Variants in TECPR1 observed in about 807,000 individuals in gnomAD.
The protein encoded by TECPR1 is tectonin beta-propeller repeat containing 1.
A neutral mutation model predicts 162.4 loss-of-function variants in TECPR1; 122 were observed. The observed-to-expected ratio is 0.75, with a 90% CI of 0.65 to 0.87. The LOEUF (loss-of-function observed/expected upper bound fraction) is 0.87. Ranked by LOEUF, TECPR1 falls within the 40% of genes least tolerant of loss-of-function variation. TECPR1 has a pLI of 0.00. For synonymous variants in TECPR1, 642 were observed against 670.6 expected (o/e 0.96, Z 0.66); for missense variants, 1,432 against 1,618.2 (o/e 0.88, Z 1.97).
chr7:98,225,962 T>C (rs1798271351), intron 17 of TECPR1, among the ~76,000 whole-genome samples: 1 of 152,200 alleles, frequency 6.6e-6, no homozygotes, highest in Admixed American at 6.5e-5. Context: ...CTGTGGTACT[T>C]TGTTAGTACC....
chr7:98,243,523 T>C lies in TECPR1; in HGVS notation c.601A>G (p.Ile201Val). ...FNDLSVGGWE[I>V]TEEPVGRLSV... The stretch of plus-strand genomic sequence containing the variant: ...AGGCGGCCCACAGGCTCCTCCGTGA[T>C]CTCCCAGCCCCCTACAGAGAGGTCG... Residue 201 changes from isoleucine to valine, a missense_variant, in exon 6 of 26, where the codon ATC (isoleucine) becomes GTC (valine). Ile to Val is a conservative substitution (Grantham distance 29, BLOSUM62 3). Transcript: ENST00000447648. 6.2e-7 allele frequency: 1 copy of C among 1,612,586 alleles called. No individual in the cohort carries two copies.
intron 6 of TECPR1, among the ~76,000 whole-genome samples, chr7:98,242,179 G>A (rs1798768200): frequency 6.6e-6 from 1 of 152,230 alleles, no homozygotes; most frequent in African/African-American, 2.4e-5. Flanking sequence ...CGACAAAACT[G>A]GCAACTTCTG....
rs571996953 is a variant in TECPR1, at chr7:98,228,820, C to T, written c.2410+219G>A. 2.2e-3 allele frequency: 1,195 copies of T among 545,416 alleles called. 2 individuals are homozygous for T. Among genetic ancestry groups the T allele is most frequent in the Non-Finnish European group, 2.8e-3 (902 of 318,740 alleles). The allele number at this position is 545,416 out of a possible 1,614,324, so 33.8% of individuals were successfully genotyped here. ...GCTGGACATGCTGGTGGACCCTGGC[C>T]GCTGCCTCTCTGGAACCTTCGAGGC... On this transcript the variant is annotated intron_variant, in intron 16 of 25. Transcript: ENST00000447648.
In TECPR1 at chr7:98,215,441, A is replaced by C. The variant is rs2116510113; in HGVS notation, c.*1949T>G. On this transcript the variant is annotated 3_prime_UTR_variant, in exon 26 of 26. Coordinates refer to ENST00000447648, the MANE Select transcript of TECPR1 (RefSeq NM_015395.3). ...AAACAAAAATAAAAGATTTCACAGC[A>C]ATGTCTGCTTCAGGCACACGGGGAA... The C allele has an allele frequency of 6.6e-6, 1 of 152,390 alleles. No homozygotes were observed. The highest frequency in any genetic ancestry group is 3.4e-3 in the Middle Eastern group (1 of 294). 9.4% of individuals were successfully genotyped at this position (152,390 alleles called of 1,614,324 possible). A position where few individuals can be genotyped will look rare whatever the true frequency, so the allele number is the denominator to read the frequency against.
chr7:98,240,959 G>GC lies in TECPR1; in HGVS notation c.833-9dup. The GC allele has an allele frequency of 6.2e-7, 1 of 1,600,828 alleles. No homozygotes were observed. On this transcript the variant is annotated splice_polypyrimidine_tract_variant and intron_variant, in intron 7 of 25. Coordinates refer to ENST00000447648, the MANE Select transcript of TECPR1 (RefSeq NM_015395.3). ...CGATGGACCAGGAACTTCCTACCGG[G>GC]CCCCCAAGAAACCCCCAGTGGCCCC...
chr7:98,248,321 G>A (rs1056146970), intron 2 of TECPR1, among the ~76,000 whole-genome samples: 1 of 151,972 alleles, frequency 6.6e-6, no homozygotes, highest in African/African-American at 2.4e-5. Flanking sequence ...CCCGGGGCCT[G>A]AAGAGAGGAA....
At chr7:98,238,038 CT>C in intron 9 of TECPR1, among the ~76,000 whole-genome samples, 1 of 152,032 alleles carries the variant, frequency 6.6e-6, no homozygotes, top group East Asian at 1.9e-4. Flanking sequence ...TCCTAAAGTG[CT>C]GGGATTTACA....
intron 23 of TECPR1, among the ~76,000 whole-genome samples, chr7:98,219,100 T>C (rs566628982): frequency 1.3e-5 from 2 of 152,210 alleles, no homozygotes; most frequent in African/African-American, 4.8e-5. Context: ...CCACAACCAA[T>C]TGATCTTTGA....
chr7:98,250,624 C>T (rs1044181628), intron 2 of TECPR1, among the ~76,000 whole-genome samples: 1 of 152,026 alleles, frequency 6.6e-6, no homozygotes, highest in Non-Finnish European at 1.5e-5. Flanking sequence ...GGCAGCAGAG[C>T]GAGACCCTGT....
intron 15 of TECPR1, among the ~76,000 whole-genome samples, chr7:98,230,745 C>T (rs1190306044): frequency 6.6e-6 from 1 of 152,194 alleles, no homozygotes; most frequent in East Asian, 1.9e-4. Context: ...CGGCACTGAC[C>T]CACCCTGGGC....
chr7:98,215,277 C>G lies in TECPR1; in HGVS notation c.*2113G>C, dbSNP rs921172075. The G allele has an allele frequency of 6.6e-6, 1 of 152,272 alleles. No homozygotes were observed. Among genetic ancestry groups the G allele is most frequent in the African/African-American group, 2.4e-5 (1 of 41,480 alleles). The allele number at this position is 152,272 out of a possible 1,614,324, so 9.4% of individuals were successfully genotyped here. ...GAAGCCAGAACCGCGATTGTTGCAT[C>G]TGGGAAAACCCAGCTGGAGCCGAAC... On this transcript the variant is annotated 3_prime_UTR_variant, in exon 26 of 26. Coordinates refer to ENST00000447648, the MANE Select transcript of TECPR1 (RefSeq NM_015395.3).
chr7:98,236,821 C>G lies in TECPR1; in HGVS notation c.1136G>C (p.Arg379Pro), dbSNP rs369439554. The change falls in exon 10 of 26, where the codon CGA (arginine) becomes CCA (proline). Residue 379 changes from arginine to proline, a missense_variant. By Grantham distance (103) the Arg-to-Pro change is moderately radical. Transcript: ENST00000447648. ...GCCAGAGTGTGACCGGTCACACTCT[C>G]GGGCCGCGATGATGGCTTTCCAGGT... ...GKTWKAIIAA[R>P]ECDRSHSGSS... is the part of the protein sequence containing the mutation. 6.3e-7 allele frequency: 1 copy of G among 1,587,608 alleles called. No individual in the cohort carries two copies. The highest frequency in any genetic ancestry group is 8.5e-7 in the Non-Finnish European group (1 of 1,170,724).
intron 21 of TECPR1, 37 bp from the exon 22 acceptor site, chr7:98,222,558 G>GC: frequency 6.5e-7 from 1 of 1,546,984 alleles, no homozygotes; most frequent in Non-Finnish European, 8.7e-7. Context: ...GGTCACCAGG[G>GC]CCCCCACCCC....
intron 19 of TECPR1, among the ~76,000 whole-genome samples, chr7:98,224,005 C>T (rs1054289484): frequency 6.6e-6 from 1 of 152,072 alleles, no homozygotes; most frequent in African/African-American, 2.4e-5. Context: ...GGGGTCGGGC[C>T]TCCCTGGGGC....
Position 98,241,338 on chromosome 7 carries a change from C to G in TECPR1, c.658-94G>C. On this transcript the variant is annotated intron_variant, in intron 6 of 25. Coordinates refer to ENST00000447648, the MANE Select transcript of TECPR1 (RefSeq NM_015395.3). This position sits in a 1 kb window ranked among gnomAD's most constrained non-coding sequence, Gnocchi z 5.0. ...GTGTGGTAGGGGGTAGGACCCATGT[C>G]CCCTGACCGTCCAGATCTCACTCCC... The G allele has an allele frequency of 6.7e-7, 1 of 1,481,526 alleles. No individual in the cohort carries two copies. Among genetic ancestry groups the G allele is most frequent in the Non-Finnish European group, 9.2e-7 (1 of 1,082,920 alleles). 91.8% of individuals were successfully genotyped at this position (1,481,526 alleles called of 1,614,324 possible).
chr7:98,217,543 TCGA>T lies in TECPR1; in HGVS notation c.3385-43_3385-41del, dbSNP rs896416532. The T allele has an allele frequency of 2.4e-5, 33 of 1,384,982 alleles. No homozygotes were observed. The East Asian group carries it at 4.1e-4, about 17-fold the overall frequency. The allele number at this position is 1,384,982 out of a possible 1,614,324, so 85.8% of individuals were successfully genotyped here. On this transcript the variant is annotated intron_variant, in intron 25 of 25. Transcript: ENST00000447648. ...CTGTGTCACCAGGGGACTCGGGGAC[TCGA>T]GGATCCTGGAGGGGATCTGCCTGGG...
Position 98,222,990 on chromosome 7 carries a change from C to A in TECPR1, c.2928G>T (p.Ala976=), listed in dbSNP as rs759225723. 6.2e-7 allele frequency: 1 copy of A among 1,611,566 alleles called. No homozygotes were observed. Among genetic ancestry groups the A allele is most frequent in the Admixed American group, 1.7e-5 (1 of 59,872 alleles). ...GAATCTGTCTGGCCCCGGCACTCAC[C>A]GCAGGGTTGAGCTCCGACACGCCCA... The part of the protein sequence containing the change: ...CRLGVSELNP[A]GSSWLHVGTD... The change falls in exon 21 of 26, where the codon GCG becomes GCT. Residue 976 remains alanine (A), a splice_region_variant and synonymous_variant. Transcript: ENST00000447648.
At position 98,228,073 on chromosome 7, in the gene TECPR1, C is replaced by T; in HGVS notation, c.2454G>A (p.Val818=). The change falls in exon 17 of 26, where the codon GTG becomes GTA. Residue 818 remains valine (V), a synonymous_variant. Transcript: ENST00000447648. ...GGTTCTCATAGATGTGAACACACTT[C>T]ACGTCTGACTGCGTGTAGATGTTAC... ...STSNIYTQSD[V]KCVHIYENQR... 1 of 1,612,984 alleles carries T rather than the reference C, an allele frequency of 6.2e-7. No individual in the cohort carries two copies. Among genetic ancestry groups the T allele is most frequent in the Non-Finnish European group, 8.5e-7 (1 of 1,179,620 alleles).
chr7:98,219,280 A>G (rs1798087783), intron 23 of TECPR1, among the ~76,000 whole-genome samples: 1 of 152,222 alleles, frequency 6.6e-6, no homozygotes, highest in Non-Finnish European at 1.5e-5. Context: ...AAAACCATAC[A>G]AATTCTATAA....
Sources: allele counts gnomAD v4.1 joint callset (sites outside exome capture counted in the v4.1 genomes callset), GRCh38; gene constraint gnomAD v4.1.1; non-coding constraint Gnocchi (gnomAD v3.1); transcripts MANE v1.5; gene names NCBI Gene and HGNC (gene_info 2026-07-23, HGNC 2026-07-21).